AP3D1: variants seen among roughly 807,000 people sequenced by gnomAD.
AP3D1 encodes AP-3 complex subunit delta-1.
AP3D1 carries 51 observed loss-of-function variants against 147.6 expected under a neutral mutation model. The observed-to-expected ratio is 0.35, with a 90% CI of 0.28 to 0.44. The LOEUF (loss-of-function observed/expected upper bound fraction) is 0.44. Among genes scored for constraint, AP3D1 ranks in the 20% least tolerant of loss-of-function variants. The probability of loss-of-function intolerance (pLI) is 1.00; values close to 1 mark genes in which losing one functional copy is unlikely to be tolerated. For synonymous variants in AP3D1, 760 were observed against 663.0 expected, an observed-to-expected ratio of 1.15 and a Z score of -2.25; for missense variants, 1,421 against 1,624.2, an observed-to-expected ratio of 0.87 and a Z score of 2.15.
upstream of AP3D1, among the ~76,000 whole-genome samples, chr19:2,154,026 C>A (rs1277150318): frequency 1.3e-5 from 2 of 151,138 alleles, no homozygotes; most frequent in African/African-American, 4.9e-5. Flanking sequence ...CAGCTCACTG[C>A]AACCTCTGCC....
intron 18 of AP3D1, 129 bp downstream of exon 18, chr19:2,116,078 G>C (rs1463811960): frequency 1.1e-6 from 1 of 899,910 alleles, no homozygotes; most frequent in East Asian, 2.6e-5. Flanking sequence ...GCTCCGCACA[G>C]TCACCGTGTG....
intron 1 of AP3D1, among the ~76,000 whole-genome samples, chr19:2,140,515 G>A (rs142841907): frequency 0.018 from 2,728 of 150,202 alleles, 33 homozygotes; most frequent in Middle Eastern, 0.048. Flanking sequence ...TCACTCTGTC[G>A]CCCAGGCTGG....
chr19:2,123,926 C>A, intron 9 of AP3D1, 47 bp from the exon 10 acceptor site: 1 of 1,553,422 alleles, frequency 6.4e-7, no homozygotes. Context: ...CCATGGCCAG[C>A]GCCGACACCA....
chr19:2,129,958 C>T (rs1380707225), intron 6 of AP3D1, among the ~76,000 whole-genome samples: 2 of 152,198 alleles, frequency 1.3e-5, no homozygotes, highest in Non-Finnish European at 2.9e-5. Flanking sequence ...CTGCCACACG[C>T]CAGAGGCTTC....
chr19:2,134,359 T>C (rs896395514), intron 4 of AP3D1, among the ~76,000 whole-genome samples: 7 of 151,778 alleles, frequency 4.6e-5, no homozygotes, highest in Non-Finnish European at 8.8e-5. Context: ...AGGTCGAGGC[T>C]GCAGTGAGCT....
chr19:2,112,766 TG>T, intron 24 of AP3D1, 93 bp downstream of exon 24: 1 of 965,206 alleles, frequency 1.0e-6, no homozygotes, highest in Non-Finnish European at 1.5e-6. Context: ...AGGGCTGCCC[TG>T]GGACCTGGGT....
At chr19:2,130,619 G>A in intron 5 of AP3D1, 82 bp from the exon 6 acceptor site, 4 of 1,579,534 alleles carry the variant, frequency 2.5e-6, no homozygotes, top group East Asian at 4.5e-5. Flanking sequence ...CTCCTCCACA[G>A]AGAGGAGATG....
At chr19:2,104,666 GTTTTTTTTTTT>G (rs967229513) in intron 31 of AP3D1, among the ~76,000 whole-genome samples, 2 of 113,462 alleles carry the variant, frequency 1.8e-5, no homozygotes, top group Non-Finnish European at 3.6e-5. Context: ...TCTGACACAA[GTTTTTTTTTTT>G]TTTTTTTTTT....
At position 2,117,287 on chromosome 19, in the gene AP3D1, A is replaced by C; in HGVS notation, c.1794T>G (p.Ala598=). The C allele has an allele frequency of 6.2e-7, 1 of 1,612,576 alleles. No individual in the cohort carries two copies. The highest frequency in any genetic ancestry group is 8.5e-7 in the Non-Finnish European group (1 of 1,179,594). ...CTGGGTTCAGCTCCCCAGCAAAGAG[A>C]GCGCTGACCTCCTCTGCCACAGGCA... ...KDVPVAEEVS[A]LFAGELNPVA... The change falls in exon 16 of 32, where the codon GCT becomes GCG. Residue 598 remains alanine (A), a synonymous_variant. Transcript: ENST00000643116.
At position 2,127,456 on chromosome 19, in the gene AP3D1, G is replaced by A. The variant is rs564361481; in HGVS notation, c.807-255C>T. ...CAGCATCCACGCAGGGACGGACCAC[G>A]CACCCCCGGCGGCCTGTGAGATGGC... On this transcript the variant is annotated intron_variant, in intron 8 of 31. Transcript: ENST00000643116. Among the ~76,000 whole-genome samples the A allele has an allele frequency of 6.2e-4, 94 of 152,310 alleles. 1 individual carries two copies. The highest frequency in any genetic ancestry group is 2.2e-3 in the African/African-American group (90 of 41,552).
chr19:2,131,845 A>AC, intron 5 of AP3D1, among the ~76,000 whole-genome samples: 1 of 148,874 alleles, frequency 6.7e-6, no homozygotes, highest in African/African-American at 2.6e-5. Flanking sequence ...CCACGCGGGG[A>AC]CAGCGCCCAT....
intron 9 of AP3D1, among the ~76,000 whole-genome samples, chr19:2,125,957 G>A (rs1348230427): frequency 2.6e-5 from 4 of 151,976 alleles, no homozygotes; most frequent in Non-Finnish European, 4.4e-5. Context: ...GAACAGCCTG[G>A]GCAACATAGT....
intron 5 of AP3D1, among the ~76,000 whole-genome samples, chr19:2,131,985 C>T (rs2145119911): frequency 6.6e-6 from 1 of 152,320 alleles, no homozygotes; most frequent in African/African-American, 2.4e-5. Flanking sequence ...AACAAAGGTC[C>T]CCTCATGAGC....
chr19:2,142,801 T>C (rs1599490813), intron 1 of AP3D1, among the ~76,000 whole-genome samples: 2 of 152,004 alleles, frequency 1.3e-5, no homozygotes, highest in East Asian at 3.9e-4. Flanking sequence ...TCACTCTTGT[T>C]GCCCAGGCTG....
At chr19:2,110,988 G>A in intron 26 of AP3D1, 92 bp from the exon 27 acceptor site, 3 of 1,404,368 alleles carry the variant, frequency 2.1e-6, no homozygotes, top group African/African-American at 2.8e-5. Context: ...AGAGGCAGCA[G>A]GGGTCCCACA....
rs111620579 is a variant in AP3D1 at position 2,101,917 on chromosome 19, G to T, written c.*256C>A. ...CGCGGGGCAGGGCACAGACCCAGGT[G>T]GGGGAGTCCCTTGCTGGTTTGGGGG... is the stretch of plus-strand genomic sequence containing the variant. On this transcript the variant is annotated 3_prime_UTR_variant, in exon 32 of 32. Transcript: ENST00000643116. 8 of 488,564 alleles carry T rather than the reference G, an allele frequency of 1.6e-5. No homozygotes were observed. The highest frequency in any genetic ancestry group is 4.0e-5 in the African/African-American group (2 of 50,154). 30.3% of individuals were successfully genotyped at this position (488,564 alleles called of 1,614,324 possible). A position where few individuals can be genotyped will look rare whatever the true frequency, so the allele number is the denominator to read the frequency against.
At position 2,129,564 on chromosome 19, in the gene AP3D1, C is replaced by T. The variant is rs1345919331; in HGVS notation, c.593-107G>A. 1.2e-5 allele frequency: 17 copies of T among 1,361,270 alleles called. No individual in the cohort carries two copies. The East Asian group carries it at 3.9e-4, about 32-fold the overall frequency. 84.3% of individuals were successfully genotyped at this position (1,361,270 alleles called of 1,614,324 possible). On this transcript the variant is annotated intron_variant, in intron 6 of 31. Transcript: ENST00000643116. ...GTTCTGGGGCCTGCAGCAGCTCCCA[C>T]TGAACATGGCCCTGGCTCTGCCACC...
intron 1 of AP3D1, among the ~76,000 whole-genome samples, chr19:2,157,441 CAAAAAAAAAAAA>C (rs137939397): frequency 9.9e-6 from 1 of 101,174 alleles, no homozygotes; most frequent in Non-Finnish European, 1.7e-5. Context: ...GACTCCGTCT[CAAAAAAAAAAAA>C]AAAAAAAGAA....
At chr19:2,113,063 C>T in intron 23 of AP3D1, 96 bp from the exon 24 acceptor site, 2 of 877,996 alleles carry the variant, frequency 2.3e-6, no homozygotes, top group South Asian at 1.7e-5. Flanking sequence ...CCTCAGCTTG[C>T]CCTCACGCCT....
Sources: allele counts gnomAD v4.1 joint callset (sites outside exome capture counted in the v4.1 genomes callset), GRCh38; gene constraint gnomAD v4.1.1; transcripts MANE v1.5; gene names NCBI Gene and HGNC (gene_info 2026-07-23, HGNC 2026-07-21).